SPART: variants seen among roughly 807,000 people sequenced by gnomAD.
SPART encodes spastic paraplegia 20 (Troyer syndrome).
Under a neutral mutation model 58.7 loss-of-function variants are expected in SPART, and 35 were observed. The observed-to-expected ratio is 0.60, with a 90% CI of 0.46 to 0.79. The LOEUF is 0.79. SPART is among the 30% of genes least tolerant of loss of function. SPART has a pLI of 0.00. For synonymous variants in SPART, 284 were observed against 280.7 expected (o/e 1.01, Z -0.12); for missense variants, 730 against 786.1 (o/e 0.93, Z 0.85).
chr13:36,328,159 A>G (rs1364486238), intron 4 of SPART, among the ~76,000 whole-genome samples: 9 of 152,294 alleles, frequency 5.9e-5, no homozygotes, highest in Middle Eastern at 3.4e-3. Context: ...ATATCTTGGA[A>G]CCATTTTGGA....
Position 36,334,925 on chromosome 13 carries a change from C to T in SPART, c.810+96G>A, listed in dbSNP as rs1212620558. The T allele has an allele frequency of 1.8e-5, 18 of 973,426 alleles. No homozygotes were observed. In the Admixed American group the frequency reaches 3.1e-4, roughly 17 times the overall value. 60.3% of individuals were successfully genotyped at this position (973,426 alleles called of 1,614,324 possible). ...AAAACAAAGTAGAATTTGTCGTTAT[C>T]TTTTTGCACTTATACTGGACACATA... On this transcript the variant is annotated intron_variant, in intron 2 of 8. Coordinates refer to ENST00000438666, the MANE Select transcript of SPART (RefSeq NM_015087.5).
chr13:36,348,093 C>G (rs1885257029), upstream of SPART, among the ~76,000 whole-genome samples: 3 of 152,060 alleles, frequency 2.0e-5, no homozygotes, highest in African/African-American at 7.2e-5. Context: ...CGAGACCAGC[C>G]TGGGCAACAT....
chr13:36,323,353 A>G (rs1204070439), intron 5 of SPART, among the ~76,000 whole-genome samples: 1 of 152,196 alleles, frequency 6.6e-6, no homozygotes, highest in Non-Finnish European at 1.5e-5. Context: ...CTCCTTCCAA[A>G]TTAGCTTACT....
Position 36,346,389 on chromosome 13 carries a change from C to G in SPART, c.-167G>C, listed in dbSNP as rs1178118362. ...TCGCGCGCGCGCTTGCCGTGGCAAC[C>G]AAGACGTTCCACGACGCGCGCTCTC... On this transcript the variant is annotated 5_prime_UTR_variant, in exon 1 of 9. Coordinates refer to ENST00000438666, the MANE Select transcript of SPART (RefSeq NM_015087.5). 6.6e-6 allele frequency: 1 copy of G among 152,206 alleles called. No individual in the cohort carries two copies. Among genetic ancestry groups the G allele is most frequent in the Non-Finnish European group, 1.5e-5 (1 of 68,114 alleles). 9.4% of individuals were successfully genotyped at this position (152,206 alleles called of 1,614,324 possible). A position where few individuals can be genotyped will look rare whatever the true frequency, so the allele number is the denominator to read the frequency against.
chr13:36,331,599 G>C lies in SPART; in HGVS notation c.811-3C>G, dbSNP rs1678221941. On this transcript the variant is annotated splice_polypyrimidine_tract_variant and splice_region_variant and intron_variant, in intron 2 of 8. Transcript: ENST00000438666. The stretch of plus-strand genomic sequence containing the variant: ...AGAGGATATAACCAGTCACAAACCT[G>C]AAAGGATTCATTAGAAGAAAAAAAA... The C allele has an allele frequency of 6.2e-6, 10 of 1,609,668 alleles. No homozygotes were observed. Among genetic ancestry groups the C allele is most frequent in the Non-Finnish European group, 8.5e-6 (10 of 1,176,750 alleles).
intron 5 of SPART, among the ~76,000 whole-genome samples, chr13:36,317,187 G>A (rs1037491520): frequency 1.8e-4 from 28 of 152,226 alleles, no homozygotes; most frequent in African/African-American, 6.3e-4. Context: ...GTTAGACCAC[G>A]CAGGGATGCC....
At chr13:36,334,142 T>C (rs1469353253) in intron 2 of SPART, among the ~76,000 whole-genome samples, 1 of 152,184 alleles carries the variant, frequency 6.6e-6, no homozygotes, top group Non-Finnish European at 1.5e-5. Context: ...CAATGCAAAC[T>C]CCTTTGTTAT....
chr13:36,329,592 A>C, intron 3 of SPART, 75 bp from the exon 4 acceptor site: 1 of 1,426,108 alleles, frequency 7.0e-7, no homozygotes, highest in Non-Finnish European at 9.9e-7. Context: ...ATATTACACC[A>C]TGCTCAAATG....
At chr13:36,325,053 A>T (rs1049202502) in intron 5 of SPART, among the ~76,000 whole-genome samples, 1 of 152,202 alleles carries the variant, frequency 6.6e-6, no homozygotes, top group Non-Finnish European at 1.5e-5. Flanking sequence ...GTGATTCTTC[A>T]GTTACTTCAG....
At chr13:36,354,667 A>T (rs1044341287) in intron 1 of SPART, among the ~76,000 whole-genome samples, 1 of 152,082 alleles carries the variant, frequency 6.6e-6, no homozygotes, top group Non-Finnish European at 1.5e-5. Context: ...ACCTTTTCCC[A>T]TTGCTAATTT....
At chr13:36,346,395 GT>G (rs1885129887), upstream of SPART, 1 of 152,206 alleles carries the variant, frequency 6.6e-6, no homozygotes, top group African/African-American at 2.4e-5. Context: ...CAACCAAGAC[GT>G]TCCACGACGC....
At chr13:36,338,429 CA>C (rs1025172954) in intron 1 of SPART, among the ~76,000 whole-genome samples, 3 of 151,944 alleles carry the variant, frequency 2.0e-5, no homozygotes, top group Non-Finnish European at 4.4e-5. Context: ...GCACTTACGT[CA>C]CATCAAGAAC....
chr13:36,367,920 G>T (rs912456609), intron 1 of SPART, among the ~76,000 whole-genome samples: 5 of 152,088 alleles, frequency 3.3e-5, no homozygotes, highest in African/African-American at 9.7e-5. Flanking sequence ...ATATTCTCAG[G>T]ATACGACGGA....
At chr13:36,337,667 T>C (rs1228765239) in intron 1 of SPART, among the ~76,000 whole-genome samples, 3 of 152,190 alleles carry the variant, frequency 2.0e-5, no homozygotes, top group Non-Finnish European at 4.4e-5. Context: ...TACCCAGTCT[T>C]GGGCAGTTCT....
chr13:36,342,762 G>C (rs572233487), intron 1 of SPART, among the ~76,000 whole-genome samples: 1 of 152,050 alleles, frequency 6.6e-6, no homozygotes, highest in East Asian at 1.9e-4. Context: ...AGTCTTCCAT[G>C]GGACATACAC....
At chr13:36,304,653 G>C (rs766799401) in intron 8 of SPART, 21 bp from the exon 9 acceptor site, 1 of 1,610,192 alleles carries the variant, frequency 6.2e-7, no homozygotes, top group East Asian at 2.2e-5. Context: ...AAGATTAGAG[G>C]ACATACAATG....
chr13:36,311,635 T>C (rs1881115678), intron 8 of SPART, among the ~76,000 whole-genome samples: 1 of 152,238 alleles, frequency 6.6e-6, no homozygotes, highest in South Asian at 2.1e-4. Flanking sequence ...CAAATGTTTA[T>C]AATGATTAGT....
chr13:36,337,717 T>G (rs1430411188), intron 1 of SPART, among the ~76,000 whole-genome samples: 1 of 152,188 alleles, frequency 6.6e-6, no homozygotes, highest in African/African-American at 2.4e-5. Flanking sequence ...GTAGCCATCT[T>G]GGTTATCAGA....
chr13:36,310,345 C>T (rs1880964737), intron 8 of SPART, among the ~76,000 whole-genome samples: 1 of 151,792 alleles, frequency 6.6e-6, no homozygotes, highest in Non-Finnish European at 1.5e-5. Context: ...CAACTCAGGT[C>T]CTTCATACTA....
Sources: gnomAD v4.1 joint callset for allele counts (sites outside exome capture counted in the v4.1 genomes callset) on GRCh38, gnomAD v4.1.1 for gene constraint, MANE v1.5 for transcripts, NCBI Gene and HGNC (gene_info 2026-07-23, HGNC 2026-07-21) for gene names.